The following EXOC5 variants were observed in gnomAD, a reference collection of about 807,000 sequenced individuals.
The protein encoded by EXOC5 is SEC10-like 1.
A neutral mutation model predicts 90.8 loss-of-function variants in EXOC5; 17 were observed. The observed-to-expected ratio is 0.19, with a 90% confidence interval of 0.13 to 0.28. The LOEUF (loss-of-function observed/expected upper bound fraction) is 0.28, where lower values mean the gene tolerates loss of function less well. Ranked by LOEUF, EXOC5 falls within the 10% of genes least tolerant of loss-of-function variation. The probability of loss-of-function intolerance (pLI) is 1.00; values close to 1 mark genes in which losing one functional copy is unlikely to be tolerated. For synonymous variants in EXOC5, 260 were observed against 270.0 expected (o/e 0.96, Z 0.36); for missense variants, 569 against 830.6 (o/e 0.69, Z 3.87).
intron 2 of EXOC5, 48 bp from the exon 3 acceptor site, chr14:57,246,906 C>A: frequency 9.0e-7 from 1 of 1,113,538 alleles, no homozygotes. Context: ...ATTATTAATC[C>A]TTAGGAACTG....
At chr14:57,254,134 T>G (rs572325473) in intron 1 of EXOC5, among the ~76,000 whole-genome samples, 1 of 152,066 alleles carries the variant, frequency 6.6e-6, no homozygotes, top group East Asian at 1.9e-4. Context: ...AATAAGCACA[T>G]GAAAAGATGC....
intron 1 of EXOC5, among the ~76,000 whole-genome samples, chr14:57,250,266 AT>A (rs1199392159): frequency 6.6e-6 from 1 of 152,156 alleles, no homozygotes; most frequent in Non-Finnish European, 1.5e-5. Context: ...GGGGAGAATA[AT>A]TGTGGATGAG....
intron 12 of EXOC5, among the ~76,000 whole-genome samples, chr14:57,225,016 C>T (rs7141360): frequency 0.24 from 36,934 of 151,838 alleles, 10,835 homozygotes; most frequent in African/African-American, 0.71. Context: ...GAGCCGAGAT[C>T]GTGCCACTGC....
intron 15 of EXOC5, among the ~76,000 whole-genome samples, chr14:57,212,318 G>A (rs1882853385): frequency 6.6e-6 from 1 of 152,228 alleles, no homozygotes; most frequent in Admixed American, 6.5e-5. Context: ...CCTGCAGTAT[G>A]TGTAAGCCAC....
At chr14:57,263,983 T>C (rs1208609929) in intron 1 of EXOC5, among the ~76,000 whole-genome samples, 1 of 152,158 alleles carries the variant, frequency 6.6e-6, no homozygotes, top group Non-Finnish European at 1.5e-5. Flanking sequence ...CATTACTAAA[T>C]GAAACCTTTC....
rs1883569299 is a variant in EXOC5 at position 57,233,973 on chromosome 14, G to A, written c.714+15C>T. ...AGCATAAAATAATATCCAACAAAGT[G>A]TACTGTTATGTTACCTCCTGGCACT... On this transcript the variant is annotated intron_variant, in intron 8 of 17. Coordinates refer to ENST00000621441, the MANE Select transcript of EXOC5 (RefSeq NM_006544.4). 6.3e-7 allele frequency: 1 copy of A among 1,595,940 alleles called. No individual in the cohort carries two copies. The highest frequency in any genetic ancestry group is 1.3e-5 in the African/African-American group (1 of 74,586).
intron 14 of EXOC5, among the ~76,000 whole-genome samples, chr14:57,218,558 G>A (rs1310799525): frequency 6.6e-6 from 1 of 152,026 alleles, no homozygotes; most frequent in East Asian, 1.9e-4. Flanking sequence ...CTATCAGAAT[G>A]TCAAAACATT....
At chr14:57,229,367 T>A (rs1883407282) in intron 12 of EXOC5, among the ~76,000 whole-genome samples, 1 of 152,164 alleles carries the variant, frequency 6.6e-6, no homozygotes, top group Non-Finnish European at 1.5e-5. Flanking sequence ...AAGTTCTGTA[T>A]CTGTGGGTTC....
At chr14:57,257,196 T>C (rs1344734138) in intron 1 of EXOC5, among the ~76,000 whole-genome samples, 2 of 152,100 alleles carry the variant, frequency 1.3e-5, no homozygotes, top group Admixed American at 6.6e-5. Flanking sequence ...AGATTACTCA[T>C]TGAGGTAGAG....
Position 57,235,702 on chromosome 14 carries a change from A to C in EXOC5, c.669+9T>G. The C allele has an allele frequency of 7.3e-7, 1 of 1,363,096 alleles. No homozygotes were observed. Among genetic ancestry groups the C allele is most frequent in the South Asian group, 1.2e-5 (1 of 80,256 alleles). 84.4% of individuals were successfully genotyped at this position (1,363,096 alleles called of 1,614,324 possible). A position where few individuals can be genotyped will look rare whatever the true frequency, so the allele number is the denominator to read the frequency against. On this transcript the variant is annotated intron_variant, in intron 7 of 17. Coordinates refer to ENST00000621441, the MANE Select transcript of EXOC5 (RefSeq NM_006544.4). ...TGAACACTATTCATTTTTAATTCCT[A>C]CTATTTACCTTAAAATGAAGTAAAA...
rs1414645639 is a variant in EXOC5, at chr14:57,244,273, C to T, written c.357G>A (p.Gly119=). 1 of 1,612,780 alleles carries T rather than the reference C, an allele frequency of 6.2e-7. No individual in the cohort carries two copies. The highest frequency in any genetic ancestry group is 2.2e-5 in the East Asian group (1 of 44,862). Residue 119 remains glycine, a synonymous_variant, in exon 4 of 18, where the codon GGG becomes GGA. Transcript: ENST00000621441. The stretch of plus-strand genomic sequence containing the variant: ...CTGCCCGTTGTCTGGGTGTGTTTAC[C>T]CCCTCTAACTGGTCTCCAAGGTGAC... ...KVCHLGDQLE[G]VNTPRQRAVE...
chr14:57,223,680 T>C (rs1285985434), intron 12 of EXOC5, among the ~76,000 whole-genome samples: 1 of 152,066 alleles, frequency 6.6e-6, no homozygotes, highest in Non-Finnish European at 1.5e-5. Flanking sequence ...GGAAAATTGG[T>C]AAGGATATAG....
In EXOC5 at chr14:57,246,753, C is replaced by T. The variant is rs370572651; in HGVS notation, c.228G>A (p.Lys76=). 14 of 1,611,072 alleles carry T rather than the reference C, an allele frequency of 8.7e-6. No homozygotes were observed. Among genetic ancestry groups the T allele is most frequent in the Non-Finnish European group, 1.2e-5 (14 of 1,179,460 alleles). The change falls in exon 3 of 18, where the codon AAG becomes AAA. Residue 76 remains lysine, a synonymous_variant. Transcript: ENST00000621441. The part of the protein sequence containing the change: ...KLEQQCQKEA[K]EFAKKVQELQ... ...GCTCTTGTACCTTCTTGGCAAATTC[C>T]TTGGCTTCTTTCTGACATTGTTGCT...
intron 5 of EXOC5, among the ~76,000 whole-genome samples, chr14:57,238,223 T>TATACAC (rs912698507): frequency 8.0e-6 from 1 of 125,092 alleles, no homozygotes; most frequent in African/African-American, 3.1e-5. Context: ...CACATATATA[T>TATACAC]ACACACACAC....
chr14:57,258,077 T>C (rs1884401933), intron 1 of EXOC5, among the ~76,000 whole-genome samples: 1 of 152,172 alleles, frequency 6.6e-6, no homozygotes, highest in Non-Finnish European at 1.5e-5. Context: ...TTTATATGCT[T>C]TACAAATGTT....
intron 13 of EXOC5, among the ~76,000 whole-genome samples, chr14:57,220,159 A>G (rs1883085212): frequency 6.7e-6 from 1 of 150,218 alleles, no homozygotes. Flanking sequence ...TAGAACAATG[A>G]TTTTTTTTTT....
rs1314273673 is a variant in EXOC5 at position 57,248,325 on chromosome 14, G to A, written c.28-613C>T. Among the ~76,000 whole-genome samples, 6 of 151,928 alleles carry A rather than the reference G, an allele frequency of 3.9e-5. No homozygotes were observed. The East Asian group carries it at 1.2e-3, about 29-fold the overall frequency. On this transcript the variant is annotated intron_variant, in intron 1 of 17. Transcript: ENST00000621441. ...AAAATCTCTGCAGAATGTTCATTGAGCATTATGTATATTACTAAGAAATTG... is the reference window on the plus strand; with the variant it reads ...AAAATCTCTGCAGAATGTTCATTGAACATTATGTATATTACTAAGAAATTG...
intron 12 of EXOC5, among the ~76,000 whole-genome samples, chr14:57,228,498 T>C (rs1203809499): frequency 1.3e-5 from 2 of 152,092 alleles, no homozygotes; most frequent in Non-Finnish European, 2.9e-5. Context: ...ATGTGGCACA[T>C]ATATGCCATG....
rs939458281 is a variant in EXOC5, at chr14:57,207,194, T to C, written c.*1415A>G. Reference sequence around the variant, plus strand: ...GTAACTTAAACAGTACTAAGTTAGCTCTGGACTTAGAAGGTTTGGTAAAGT... The same window carrying C: ...GTAACTTAAACAGTACTAAGTTAGCCCTGGACTTAGAAGGTTTGGTAAAGT... On this transcript the variant is annotated 3_prime_UTR_variant, in exon 18 of 18. Coordinates refer to ENST00000621441, the MANE Select transcript of EXOC5 (RefSeq NM_006544.4). 1.3e-5 allele frequency: 2 copies of C among 152,450 alleles called. No individual in the cohort carries two copies. The highest frequency in any genetic ancestry group is 1.3e-4 in the Admixed American group (2 of 15,232). 9.4% of individuals were successfully genotyped at this position (152,450 alleles called of 1,614,324 possible).
Sources: allele counts gnomAD v4.1 joint callset (sites outside exome capture counted in the v4.1 genomes callset), GRCh38; gene constraint gnomAD v4.1.1; transcripts MANE v1.5; gene names NCBI Gene and HGNC (gene_info 2026-07-23, HGNC 2026-07-21).